EPHA6: variants seen among roughly 807,000 people sequenced by gnomAD.
The protein encoded by EPHA6 is EPH receptor A6, also known as ephrin type-A receptor 6.
EPHA6 carries 50 observed loss-of-function variants against 112.0 expected under a neutral mutation model. The observed-to-expected ratio is 0.45, with a 90% CI of 0.36 to 0.56. The LOEUF is 0.56. Among genes scored for constraint, EPHA6 ranks in the 20% least tolerant of loss-of-function variants. EPHA6 has a pLI of 0.00. For missense variants in EPHA6, 1,280 were observed against 1,417.4 expected (o/e 0.90, Z 1.56); for synonymous variants, 529 against 490.7 (o/e 1.08, Z -1.03).
intron 14 of EPHA6, among the ~76,000 whole-genome samples, chr3:97,675,649 G>A (rs913490692): frequency 2.0e-5 from 3 of 151,916 alleles, no homozygotes; most frequent in African/African-American, 2.4e-5. Context: ...TGAAACAGTC[G>A]TTACCCATAA....
chr3:97,720,452 A>G, intron 15 of EPHA6, 42 bp downstream of exon 15: 1 of 1,533,494 alleles, frequency 6.5e-7, no homozygotes, highest in Admixed American at 2.0e-5. Flanking sequence ...TGTGAATGTA[A>G]ACACATTAGC....
intron 2 of EPHA6, among the ~76,000 whole-genome samples, chr3:96,895,402 A>C (rs2038213172): frequency 1.3e-5 from 2 of 152,326 alleles, no homozygotes; most frequent in East Asian, 3.9e-4. Flanking sequence ...AAAAATTAAA[A>C]GTCTGTAAAT....
At chr3:97,706,744 C>G (rs2107751477) in intron 14 of EPHA6, among the ~76,000 whole-genome samples, 1 of 151,682 alleles carries the variant, frequency 6.6e-6, no homozygotes, top group African/African-American at 2.4e-5. Flanking sequence ...GTTTTTGCCT[C>G]CTCACACAGC....
chr3:97,488,292 A>T (rs966272713), intron 10 of EPHA6, among the ~76,000 whole-genome samples: 2 of 152,204 alleles, frequency 1.3e-5, no homozygotes, highest in African/African-American at 4.8e-5. Context: ...TCTTTCTAGA[A>T]TAGTCCAGGA....
chr3:97,689,395 ATGT>A (rs1332151489), intron 14 of EPHA6, among the ~76,000 whole-genome samples: 1 of 152,204 alleles, frequency 6.6e-6, no homozygotes, highest in African/African-American at 2.4e-5. Flanking sequence ...CTGGAAAAAA[ATGT>A]TGTTTGATTT....
chr3:96,944,702 G>C (rs946855098), intron 2 of EPHA6, among the ~76,000 whole-genome samples: 4 of 152,118 alleles, frequency 2.6e-5, no homozygotes, highest in Admixed American at 2.0e-4. Context: ...TAGGTTTTTG[G>C]TAAGTAAAAT....
intron 3 of EPHA6, among the ~76,000 whole-genome samples, chr3:97,154,080 G>A (rs1022015805): frequency 1.4e-4 from 21 of 151,316 alleles, no homozygotes; most frequent in East Asian, 7.8e-4. Context: ...CAGGAGAATC[G>A]CTCAAATCCA....
At chr3:97,621,851 T>C (rs1361322858) in intron 13 of EPHA6, among the ~76,000 whole-genome samples, 3 of 151,840 alleles carry the variant, frequency 2.0e-5, no homozygotes, top group African/African-American at 7.2e-5. Context: ...ACAAGAGCAC[T>C]TTCAATGGCT....
At chr3:97,557,828 A>C (rs921995989) in intron 11 of EPHA6, among the ~76,000 whole-genome samples, 1 of 151,242 alleles carries the variant, frequency 6.6e-6, no homozygotes, top group Non-Finnish European at 1.5e-5. Flanking sequence ...TTGAGTTTTA[A>C]AAAATTTTCT....
At chr3:96,965,878 G>T (rs943882828) in intron 2 of EPHA6, among the ~76,000 whole-genome samples, 3 of 152,010 alleles carry the variant, frequency 2.0e-5, no homozygotes, top group Non-Finnish European at 4.4e-5. Context: ...AAGCCAGTTT[G>T]CTACTGAACA....
At chr3:97,293,175 G>C (rs2080754919) in intron 5 of EPHA6, among the ~76,000 whole-genome samples, 1 of 152,192 alleles carries the variant, frequency 6.6e-6, no homozygotes, top group Admixed American at 6.5e-5. Flanking sequence ...CAAGCGTCCA[G>C]CTCTCAGCAG....
intron 5 of EPHA6, among the ~76,000 whole-genome samples, chr3:97,307,636 T>G (rs2081375503): frequency 6.6e-6 from 1 of 151,310 alleles, no homozygotes; most frequent in African/African-American, 2.4e-5. Context: ...AAAGGTGATG[T>G]CTACTCTTAG....
intron 5 of EPHA6, among the ~76,000 whole-genome samples, chr3:97,361,062 C>A (rs1207828316): frequency 1.3e-5 from 2 of 152,264 alleles, no homozygotes; most frequent in South Asian, 2.1e-4. Flanking sequence ...AGTCTTCCAT[C>A]CAATGGAGAT....
intron 14 of EPHA6, among the ~76,000 whole-genome samples, chr3:97,672,577 G>A (rs2030957088): frequency 6.6e-6 from 1 of 151,862 alleles, no homozygotes; most frequent in African/African-American, 2.4e-5. Context: ...GATGAAGAGT[G>A]GAAGTGTCCT....
intron 5 of EPHA6, among the ~76,000 whole-genome samples, chr3:97,368,163 T>A (rs2084846549): frequency 6.6e-6 from 1 of 152,196 alleles, no homozygotes; most frequent in African/African-American, 2.4e-5. Flanking sequence ...CCAGAAACTA[T>A]CTTTTGTTCT....
At chr3:97,732,302 C>T (rs1031887103) in intron 15 of EPHA6, among the ~76,000 whole-genome samples, 5 of 151,488 alleles carry the variant, frequency 3.3e-5, no homozygotes, top group Non-Finnish European at 5.9e-5. Context: ...TCACATAACC[C>T]TTAAGGTTCA....
intron 1 of EPHA6, among the ~76,000 whole-genome samples, chr3:96,822,419 T>TA (rs2033331580): frequency 6.6e-6 from 1 of 151,858 alleles, no homozygotes; most frequent in South Asian, 2.1e-4. Context: ...TATATTGAGC[T>TA]AGTTTCCCGG....
chr3:97,353,170 G>C (rs1320858876), intron 5 of EPHA6, among the ~76,000 whole-genome samples: 1 of 151,912 alleles, frequency 6.6e-6, no homozygotes, highest in Non-Finnish European at 1.5e-5. Flanking sequence ...ACAGGCCTTG[G>C]GTGAGAGCCA....
At chr3:97,030,009 A>G (rs898608895) in intron 3 of EPHA6, among the ~76,000 whole-genome samples, 4 of 152,084 alleles carry the variant, frequency 2.6e-5, no homozygotes, top group African/African-American at 7.2e-5. Context: ...GAGATTGTCA[A>G]TAGAATGATC....
Sources: allele counts gnomAD v4.1 joint callset (sites outside exome capture counted in the v4.1 genomes callset), GRCh38; gene constraint gnomAD v4.1.1; transcripts MANE v1.5; gene names NCBI Gene and HGNC (gene_info 2026-07-23, HGNC 2026-07-21).